The following FAM120A variants were observed in gnomAD, a reference collection of about 807,000 sequenced individuals.
FAM120A encodes the protein family with sequence similarity 120 member A.
A neutral mutation model predicts 109.7 loss-of-function variants in FAM120A; 15 were observed. That is an observed-to-expected ratio of 0.14 (90% CI 0.09 to 0.21). The LOEUF is 0.21. FAM120A is among the 10% of genes least tolerant of loss of function. The pLI is 1.00. For missense variants in FAM120A, 899 were observed against 1,439.3 expected (o/e 0.62, Z 6.07); for synonymous variants, 493 against 572.8 (o/e 0.86, Z 1.99).
In FAM120A at chr9:93,452,077, G is replaced by C; in HGVS notation, c.162G>C (p.Leu54=). The C allele has an allele frequency of 6.2e-7, 1 of 1,604,314 alleles. No homozygotes were observed. The highest frequency in any genetic ancestry group is 1.1e-5 in the South Asian group (1 of 90,006). The change falls in exon 1 of 18, where the codon CTG becomes CTC. Residue 54 remains leucine (L), a synonymous_variant. Transcript: ENST00000277165. The surrounding 1 kb of genome is among the most constrained non-coding windows in gnomAD (Gnocchi z 7.0). The part of the protein sequence containing the change: ...LRLLVDADNC[L]HRLYGGFYTD... ...TGCTGGTGGACGCCGACAACTGCCT[G>C]CACCGCCTCTACGGCGGCTTCTACA...
At chr9:93,456,558 G>A (rs1297015367) in intron 1 of FAM120A, among the ~76,000 whole-genome samples, 5 of 152,170 alleles carry the variant, frequency 3.3e-5, no homozygotes, top group Non-Finnish European at 7.3e-5. Flanking sequence ...ATCAGACCAG[G>A]TGCTTGCTAG....
intron 1 of FAM120A, among the ~76,000 whole-genome samples, chr9:93,463,295 C>T (rs1258386186): frequency 6.6e-6 from 1 of 152,100 alleles, no homozygotes; most frequent in Non-Finnish European, 1.5e-5. Context: ...AGCATCTTTT[C>T]ATGTCCCACT....
At chr9:93,505,061 T>TG (rs1224171238) in intron 5 of FAM120A, among the ~76,000 whole-genome samples, 1 of 67,682 alleles carries the variant, frequency 1.5e-5, no homozygotes, top group Admixed American at 1.7e-4. Flanking sequence ...GTTTTTTTTT[T>TG]TTTTTTTTTT....
Position 93,452,701 on chromosome 9 carries a change from T to A in FAM120A, c.474+312T>A. ...TGTCATCATCCCCAATATCCTTAGT[T>A]TTTCCCATCCTATTTGAGGCGGGCA... is the stretch of plus-strand genomic sequence containing the variant. On this transcript the variant is annotated intron_variant, in intron 1 of 17. Transcript: ENST00000277165. This position sits in a 1 kb window ranked among gnomAD's most constrained non-coding sequence, Gnocchi z 7.0. The A allele has an allele frequency of 6.3e-7, 1 of 1,598,514 alleles. No homozygotes were observed. The highest frequency in any genetic ancestry group is 1.1e-5 in the South Asian group (1 of 91,078).
At chr9:93,497,431 G>A in intron 3 of FAM120A, 40 bp from the exon 4 acceptor site, 5 of 1,608,056 alleles carry the variant, frequency 3.1e-6, no homozygotes, top group Non-Finnish European at 4.2e-6. Context: ...GGTACTGGTT[G>A]CTCACCATCC....
intron 3 of FAM120A, among the ~76,000 whole-genome samples, chr9:93,484,542 G>A (rs777174449): frequency 6.6e-6 from 1 of 152,156 alleles, no homozygotes; most frequent in Non-Finnish European, 1.5e-5. Flanking sequence ...GCAAAGAGAA[G>A]CTCAGCAATA....
intron 3 of FAM120A, among the ~76,000 whole-genome samples, chr9:93,487,658 A>G (rs915351315): frequency 5.9e-5 from 9 of 152,242 alleles, no homozygotes; most frequent in Non-Finnish European, 1.2e-4. Flanking sequence ...GATAGAAAGT[A>G]GACTTGTGGT....
chr9:93,471,508 G>C, intron 2 of FAM120A, 121 bp downstream of exon 2: 1 of 1,236,222 alleles, frequency 8.1e-7, no homozygotes, highest in Non-Finnish European at 1.1e-6. Flanking sequence ...AAAGAACCAA[G>C]GCGTGGGCTC....
At position 93,558,660 on chromosome 9, in the gene FAM120A, G is replaced by GCAGACGAA. The variant is rs1862374799; in HGVS notation, c.2748_2749insCAGACGAA (p.Gly917GlnfsTer34). 1 of 1,613,986 alleles carries GCAGACGAA rather than the reference G, an allele frequency of 6.2e-7. No homozygotes were observed. Among genetic ancestry groups the GCAGACGAA allele is most frequent in the African/African-American group, 1.3e-5 (1 of 74,922 alleles). Reference sequence around the variant, plus strand: ...GTGCCTTCCGTGTGGCGGCAGCATCGGGACACTGCGGAGCCTTCTCAGGCA... The same window carrying GCAGACGAA: ...GTGCCTTCCGTGTGGCGGCAGCATCGCAGACGAAGGACACTGCGGAGCCTTCTCAGGCA... On this transcript the variant is annotated frameshift_variant, in exon 15 of 18. Coordinates refer to ENST00000277165, the MANE Select transcript of FAM120A (RefSeq NM_014612.5). LOFTEE classifies it high-confidence loss of function.
chr9:93,550,728 C>A (rs1326864353), intron 12 of FAM120A, 37 bp downstream of exon 12: 8 of 1,536,662 alleles, frequency 5.2e-6, no homozygotes, highest in Middle Eastern at 1.7e-4. Context: ...CTTGGACAGT[C>A]TCACTTTGGA....
chr9:93,557,356 C>T (rs552906820), intron 13 of FAM120A, among the ~76,000 whole-genome samples: 1 of 152,130 alleles, frequency 6.6e-6, no homozygotes, highest in Non-Finnish European at 1.5e-5. Context: ...TCTTGAACTC[C>T]TGACCTCAAG....
At chr9:93,505,656 T>G (rs1332600800) in intron 5 of FAM120A, among the ~76,000 whole-genome samples, 1 of 152,214 alleles carries the variant, frequency 6.6e-6, no homozygotes, top group African/African-American at 2.4e-5. Flanking sequence ...AGGGTGGAAG[T>G]GCAGATGACA....
In FAM120A at chr9:93,452,198, T is replaced by G. The variant is rs756264048; in HGVS notation, c.283T>G (p.Phe95Val). The G allele has an allele frequency of 6.2e-6, 10 of 1,611,904 alleles. No individual in the cohort carries two copies. In the East Asian group the frequency reaches 8.9e-5, roughly 14 times the overall value. Reference sequence around the variant, plus strand: ...CGGCGGCAACATCGAGCTCTTCGTCTTCTTCAACGGCGCGCTCGAGAAGGC... The same window carrying G: ...CGGCGGCAACATCGAGCTCTTCGTCGTCTTCAACGGCGCGCTCGAGAAGGC... ...CFGGNIELFV[F>V]FNGALEKARL... Residue 95 changes from phenylalanine to valine, a missense_variant, in exon 1 of 18, where the codon TTC (phenylalanine) becomes GTC (valine). Transcript: ENST00000277165. This position sits in a 1 kb window ranked among gnomAD's most constrained non-coding sequence, Gnocchi z 7.0.
At chr9:93,508,966 A>G (rs1860193436) in intron 5 of FAM120A, among the ~76,000 whole-genome samples, 1 of 152,240 alleles carries the variant, frequency 6.6e-6, no homozygotes, top group Non-Finnish European at 1.5e-5. Flanking sequence ...TAAATGCCAG[A>G]TGACTGATCC....
chr9:93,505,051 GTTTTTTTTTTT>G (rs768552939), intron 5 of FAM120A, among the ~76,000 whole-genome samples: 30,539 of 81,724 alleles, frequency 0.37, 3,913 homozygotes, highest in East Asian at 0.5. Flanking sequence ...GTTCGCTTGT[GTTTTTTTTTTT>G]TTTTTTTTTT....
chr9:93,561,656 A>C (rs527479097), intron 16 of FAM120A, among the ~76,000 whole-genome samples: 2 of 152,276 alleles, frequency 1.3e-5, no homozygotes, highest in African/African-American at 4.8e-5. Context: ...CGGCCTTGCA[A>C]AGTGCTGGGA....
intron 10 of FAM120A, among the ~76,000 whole-genome samples, chr9:93,536,750 CTGAACT>C (rs1227713647): frequency 2.6e-5 from 4 of 152,166 alleles, no homozygotes; most frequent in Admixed American, 1.3e-4. Flanking sequence ...CCTTCTGCTC[CTGAACT>C]AGGTGATAGC....
intron 1 of FAM120A, among the ~76,000 whole-genome samples, chr9:93,469,874 A>G (rs750686285): frequency 1.3e-5 from 2 of 152,174 alleles, no homozygotes; most frequent in Non-Finnish European, 2.9e-5. Flanking sequence ...CCTTCCAACA[A>G]AATGTGGCGA....
chr9:93,452,712 T>C lies in FAM120A; in HGVS notation c.474+323T>C, dbSNP rs764053410. The stretch of plus-strand genomic sequence containing the variant: ...CCAATATCCTTAGTTTTTCCCATCC[T>C]ATTTGAGGCGGGCAGGCTATCACTC... On this transcript the variant is annotated intron_variant, in intron 1 of 17. Transcript: ENST00000277165. This position sits in a 1 kb window ranked among gnomAD's most constrained non-coding sequence, Gnocchi z 7.0. 2.5e-6 allele frequency: 4 copies of C among 1,598,502 alleles called. No homozygotes were observed. The highest frequency in any genetic ancestry group is 3.4e-6 in the Non-Finnish European group (4 of 1,179,850).
Sources: allele counts gnomAD v4.1 joint callset (sites outside exome capture counted in the v4.1 genomes callset), GRCh38; gene constraint gnomAD v4.1.1; non-coding constraint Gnocchi (gnomAD v3.1); transcripts MANE v1.5; gene names NCBI Gene and HGNC (gene_info 2026-07-23, HGNC 2026-07-21).